The following ATXN10 variants were observed in gnomAD, a reference collection of about 807,000 sequenced individuals.
The protein encoded by ATXN10 is ataxin-10.
Under a neutral mutation model 52.9 loss-of-function variants are expected in ATXN10, and 28 were observed. The observed-to-expected ratio is 0.53, with a 90% CI of 0.39 to 0.73. The LOEUF is 0.73. Ranked by LOEUF, ATXN10 falls within the 30% of genes least tolerant of loss-of-function variation. The pLI, the probability that ATXN10 is intolerant of heterozygous loss-of-function variation, is 0.00. For missense variants in ATXN10, 565 were observed against 577.0 expected, an observed-to-expected ratio of 0.98 and a Z score of 0.21; for synonymous variants, 226 against 221.5, an observed-to-expected ratio of 1.02 and a Z score of -0.18.
intron 6 of ATXN10, among the ~76,000 whole-genome samples, chr22:45,720,613 C>T (rs768590478): frequency 6.6e-6 from 1 of 152,128 alleles, no homozygotes; most frequent in Non-Finnish European, 1.5e-5. Flanking sequence ...ACTCTGTACC[C>T]ATTAACAATA....
intron 1 of ATXN10, chr22:45,676,358 G>A (rs1922690078): frequency 6.6e-6 from 1 of 151,350 alleles, no homozygotes; most frequent in Admixed American, 6.6e-5. Flanking sequence ...CAGGTGAGAT[G>A]GGTTGTCATA....
intron 5 of ATXN10, among the ~76,000 whole-genome samples, chr22:45,703,213 G>A (rs1923908411): frequency 6.6e-6 from 1 of 152,168 alleles, no homozygotes; most frequent in South Asian, 2.1e-4. Context: ...TGCGAGCCTT[G>A]TAAGCATCTG....
At position 45,784,193 on chromosome 22, in the gene ATXN10, A is replaced by T. The variant is rs1927247537; in HGVS notation, c.1174-22766A>T. ...TGGTACAATTTTTAAAAAAAAATGT[A>T]CATTTTTAAATTAGGCAGATCTGGG... is the stretch of plus-strand genomic sequence containing the variant. On this transcript the variant is annotated intron_variant, in intron 9 of 11. Coordinates refer to ENST00000252934, the MANE Select transcript of ATXN10 (RefSeq NM_013236.4). The surrounding 1 kb of genome is among the most constrained non-coding windows in gnomAD (Gnocchi z 4.2). Among the ~76,000 whole-genome samples, 1 of 152,244 alleles carries T rather than the reference A, an allele frequency of 6.6e-6. No homozygotes were observed. The highest frequency in any genetic ancestry group is 2.4e-5 in the African/African-American group (1 of 41,474).
intron 9 of ATXN10, among the ~76,000 whole-genome samples, chr22:45,764,693 G>T (rs1344376154): frequency 6.6e-6 from 1 of 152,196 alleles, no homozygotes; most frequent in Non-Finnish European, 1.5e-5. Context: ...ATTCAGAACG[G>T]TGTAAAATGA....
chr22:45,731,964 T>A (rs1256762140), intron 7 of ATXN10, among the ~76,000 whole-genome samples: 2 of 152,218 alleles, frequency 1.3e-5, no homozygotes, highest in Non-Finnish European at 2.9e-5. Flanking sequence ...AGAAAAGTTT[T>A]AAAAATTCTC....
In ATXN10 at chr22:45,826,004, A is replaced by G. The variant is rs982288228; in HGVS notation, c.1238-16987A>G. 6.6e-6 allele frequency among the ~76,000 whole-genome samples: 1 copy of G among 152,128 alleles called. No homozygotes were observed. Among genetic ancestry groups the G allele is most frequent in the Non-Finnish European group, 1.5e-5 (1 of 68,018 alleles). ...TTGAGCCCAGGAGGTGGAGGTTGCAATGAGCTGAGATTGTGCCACTGTGCT... is the reference window on the plus strand; with the variant it reads ...TTGAGCCCAGGAGGTGGAGGTTGCAGTGAGCTGAGATTGTGCCACTGTGCT... On this transcript the variant is annotated intron_variant, in intron 10 of 11. Transcript: ENST00000252934. The surrounding 1 kb of genome is among the most constrained non-coding windows in gnomAD (Gnocchi z 5.0).
At position 45,708,368 on chromosome 22, in the gene ATXN10, T is replaced by C. The variant is rs1381560454; in HGVS notation, c.647+5521T>C. On this transcript the variant is annotated intron_variant, in intron 5 of 11. Coordinates refer to ENST00000252934, the MANE Select transcript of ATXN10 (RefSeq NM_013236.4). The surrounding 1 kb of genome is among the most constrained non-coding windows in gnomAD (Gnocchi z 5.3). ...TGATCCTGTGATGTGTTGGTTGCTT[T>C]GTCTGTGTAATCTCATTTTCACATT... 2.0e-5 allele frequency among the ~76,000 whole-genome samples: 3 copies of C among 152,190 alleles called. No individual in the cohort carries two copies. In the South Asian group the frequency reaches 6.2e-4, roughly 32 times the overall value.
Position 45,784,696 on chromosome 22 carries a change from T to A in ATXN10, c.1174-22263T>A, listed in dbSNP as rs555176672. On this transcript the variant is annotated intron_variant, in intron 9 of 11. Coordinates refer to ENST00000252934, the MANE Select transcript of ATXN10 (RefSeq NM_013236.4). This position sits in a 1 kb window ranked among gnomAD's most constrained non-coding sequence, Gnocchi z 4.2. ...GCAGGGCCCAAATTGACCTCATGGCTATTCTTACACATTCCAGATAGTCAT... is the reference window on the plus strand; with the variant it reads ...GCAGGGCCCAAATTGACCTCATGGCAATTCTTACACATTCCAGATAGTCAT... 2.6e-5 allele frequency among the ~76,000 whole-genome samples: 4 copies of A among 152,320 alleles called. No homozygotes were observed. In the East Asian group the frequency reaches 7.7e-4, roughly 29 times the overall value.
intron 9 of ATXN10, among the ~76,000 whole-genome samples, chr22:45,741,262 C>T (rs757585058): frequency 6.6e-6 from 1 of 152,212 alleles, no homozygotes; most frequent in Non-Finnish European, 1.5e-5. Flanking sequence ...TGCCACTCCC[C>T]TGTCGAGGGT....
chr22:45,820,875 G>A lies in ATXN10; in HGVS notation c.1237+13853G>A, dbSNP rs906859594. 4.6e-5 allele frequency among the ~76,000 whole-genome samples: 7 copies of A among 152,194 alleles called. No individual in the cohort carries two copies. The highest frequency in any genetic ancestry group is 1.7e-4 in the African/African-American group (7 of 41,448). On this transcript the variant is annotated intron_variant, in intron 10 of 11. Transcript: ENST00000252934. This position sits in a 1 kb window ranked among gnomAD's most constrained non-coding sequence, Gnocchi z 4.9. ...AAAACAGGCCCTGTGCTGTGAAAGA[G>A]CCTCAGTGGTGGACAGAAGCCAGGG... is the stretch of plus-strand genomic sequence containing the variant.
Position 45,708,965 on chromosome 22 carries a change from T to C in ATXN10, c.647+6118T>C, listed in dbSNP as rs138026899. On this transcript the variant is annotated intron_variant, in intron 5 of 11. Transcript: ENST00000252934. This position sits in a 1 kb window ranked among gnomAD's most constrained non-coding sequence, Gnocchi z 5.3. ...AACTTTTATTAATCCATTGAACTTT[T>C]TACCCAGTTTCACTACAAAAATGAA... is the stretch of plus-strand genomic sequence containing the variant. 3.0e-4 allele frequency among the ~76,000 whole-genome samples: 46 copies of C among 152,326 alleles called. No homozygotes were observed. The East Asian group carries it at 8.3e-3, about 27-fold the overall frequency.
At chr22:45,803,967 G>A (rs752902087) in intron 9 of ATXN10, among the ~76,000 whole-genome samples, 1 of 152,086 alleles carries the variant, frequency 6.6e-6, no homozygotes, top group Non-Finnish European at 1.5e-5. Context: ...ACTAGCTGTG[G>A]TGAAGAGCCA....
chr22:45,793,571 C>T (rs1927594363), intron 9 of ATXN10: 3 of 1,291,816 alleles, frequency 2.3e-6, no homozygotes, highest in Non-Finnish European at 3.0e-6. Context: ...TGACAAATGA[C>T]TAGAATTCTG....
intron 9 of ATXN10, among the ~76,000 whole-genome samples, chr22:45,776,796 T>TG (rs1926972779): frequency 6.6e-6 from 1 of 152,254 alleles, no homozygotes; most frequent in South Asian, 2.1e-4. Flanking sequence ...TACTAACTGC[T>TG]GCTGCCAGTT....
At chr22:45,830,320 C>T (rs1273518780) in intron 10 of ATXN10, among the ~76,000 whole-genome samples, 1 of 152,164 alleles carries the variant, frequency 6.6e-6, no homozygotes, top group African/African-American at 2.4e-5. Context: ...ACCAAAGGCA[C>T]AGACAGCAAA....
In ATXN10 at chr22:45,732,574, CT is replaced by C. The variant is rs61315673; in HGVS notation, c.894+2999del. On this transcript the variant is annotated intron_variant, in intron 7 of 11. Transcript: ENST00000252934. This position sits in a 1 kb window ranked among gnomAD's most constrained non-coding sequence, Gnocchi z 4.5. The stretch of plus-strand genomic sequence containing the variant: ...TGCGTATTAATGCACATATGTCATA[CT>C]TTTTTTTTTTTTTTAAAAGAGGACC... Among the ~76,000 whole-genome samples, 3,623 of 143,518 alleles carry C rather than the reference CT, an allele frequency of 0.025. 82 individuals are homozygous for C. Among genetic ancestry groups the C allele is most frequent in the African/African-American group, 0.068 (2,688 of 39,532 alleles). 94.2% of individuals were successfully genotyped at this position (143,518 alleles called of 152,430 possible). A position where few individuals can be genotyped will look rare whatever the true frequency, so the allele number is the denominator to read the frequency against.
In ATXN10 at chr22:45,677,892, A is replaced by G. The variant is rs1188475395; in HGVS notation, c.116+5713A>G. 5 of 152,188 alleles carry G rather than the reference A, an allele frequency of 3.3e-5. No homozygotes were observed. Among genetic ancestry groups the G allele is most frequent in the Non-Finnish European group, 7.3e-5 (5 of 68,042 alleles). 9.4% of individuals were successfully genotyped at this position (152,188 alleles called of 1,614,324 possible). On this transcript the variant is annotated intron_variant, in intron 1 of 11. Transcript: ENST00000252934. This position sits in a 1 kb window ranked among gnomAD's most constrained non-coding sequence, Gnocchi z 4.1. Reference sequence around the variant, plus strand: ...TGTAAAGTGGTGCTGCTACTATGGAAAATAATTTGGTGGGTCCTCAAAAAG... The same window carrying G: ...TGTAAAGTGGTGCTGCTACTATGGAGAATAATTTGGTGGGTCCTCAAAAAG...
intron 9 of ATXN10, among the ~76,000 whole-genome samples, chr22:45,746,220 A>T (rs1010887465): frequency 1.3e-5 from 2 of 151,332 alleles, no homozygotes; most frequent in Non-Finnish European, 2.9e-5. Context: ...TCATAACATG[A>T]TCAATTTTTA....
intron 9 of ATXN10, among the ~76,000 whole-genome samples, chr22:45,752,448 A>AAAG (rs1192653007): frequency 6.6e-6 from 1 of 151,732 alleles, no homozygotes; most frequent in Non-Finnish European, 1.5e-5. Context: ...GATGAATGAG[A>AAAG]AAGAGTTAGG....
Sources: gnomAD v4.1 joint callset for allele counts (sites outside exome capture counted in the v4.1 genomes callset) on GRCh38, gnomAD v4.1.1 for gene constraint, Gnocchi (gnomAD v3.1) non-coding constraint, MANE v1.5 for transcripts, NCBI Gene and HGNC (gene_info 2026-07-23, HGNC 2026-07-21) for gene names.